CNTN4: variants seen among roughly 807,000 people sequenced by gnomAD.
CNTN4 encodes contactin-4.
CNTN4 carries 77 observed loss-of-function variants against 122.5 expected under a neutral mutation model. The ratio of observed to expected loss-of-function variants is 0.63; its 90% CI spans 0.52 to 0.76. The LOEUF (loss-of-function observed/expected upper bound fraction) is 0.76. Among genes scored for constraint, CNTN4 ranks in the 30% least tolerant of loss-of-function variants. The probability of loss-of-function intolerance (pLI) is 0.00; values close to 1 mark genes in which losing one functional copy is unlikely to be tolerated. For synonymous variants in CNTN4, 512 were observed against 447.0 expected (o/e 1.15, Z -1.83); for missense variants, 1,256 against 1,259.1 (o/e 1.00, Z 0.04).
intron 14 of CNTN4, among the ~76,000 whole-genome samples, chr3:3,021,080 G>T (rs13091272): frequency 0.11 from 16,760 of 152,158 alleles, 965 homozygotes; most frequent in African/African-American, 0.15. Flanking sequence ...ATCCATGTGA[G>T]CTGCCAATCC....
At chr3:2,211,692 G>A (rs1167587141) in intron 2 of CNTN4, among the ~76,000 whole-genome samples, 1 of 151,864 alleles carries the variant, frequency 6.6e-6, no homozygotes, top group African/African-American at 2.4e-5. Context: ...TTTCTTGGTT[G>A]TTAGTTTAAA....
chr3:2,400,122 T>C (rs2046784492), intron 3 of CNTN4, among the ~76,000 whole-genome samples: 1 of 151,950 alleles, frequency 6.6e-6, no homozygotes, highest in South Asian at 2.1e-4. Context: ...ATTTTGACAT[T>C]CTTCTGCCTT....
intron 4 of CNTN4, among the ~76,000 whole-genome samples, chr3:2,609,832 A>C (rs1229670486): frequency 1.3e-5 from 2 of 152,160 alleles, no homozygotes; most frequent in Admixed American, 6.6e-5. Flanking sequence ...CTATCAATAA[A>C]GAGGTATTTT....
Position 2,428,477 on chromosome 3 carries a change from C to G in CNTN4, c.-89+89244C>G, listed in dbSNP as rs751478023. On this transcript the variant is annotated intron_variant, in intron 3 of 24. Coordinates refer to ENST00000418658, the MANE Select transcript of CNTN4 (RefSeq NM_175607.3). ...TGATGGGCTTCTCTTAGCGGGTAAC[C>G]CAACCTTTCTCTCTGGCTGCCCTTA... Among the ~76,000 whole-genome samples the G allele has an allele frequency of 4.7e-4, 71 of 152,116 alleles. 1 individual carries two copies. The highest frequency in any genetic ancestry group is 8.8e-4 in the Non-Finnish European group (60 of 68,010).
At chr3:2,912,696 A>G (rs993292802) in intron 12 of CNTN4, among the ~76,000 whole-genome samples, 1 of 152,236 alleles carries the variant, frequency 6.6e-6, no homozygotes, top group South Asian at 2.1e-4. Context: ...GGATGTAAAT[A>G]GTTTTTATAC....
chr3:2,946,556 G>A (rs886894529), intron 13 of CNTN4, among the ~76,000 whole-genome samples: 1 of 151,986 alleles, frequency 6.6e-6, no homozygotes, highest in African/African-American at 2.4e-5. Flanking sequence ...AGCTTTCTTT[G>A]GCAAGCACAG....
Position 2,611,312 on chromosome 3 carries a change from AG to A in CNTN4, c.55+39755del, listed in dbSNP as rs1460553067. Among the ~76,000 whole-genome samples the A allele has an allele frequency of 2.4e-3, 315 of 133,404 alleles. 12 individuals are homozygous for A. Among genetic ancestry groups the A allele is most frequent in the Non-Finnish European group, 3.8e-3 (237 of 63,108 alleles). 87.5% of individuals were successfully genotyped at this position (133,404 alleles called of 152,430 possible). A position where few individuals can be genotyped will look rare whatever the true frequency, so the allele number is the denominator to read the frequency against. ...CACCTGGAACCAAAAAAAAAAAAAA[AG>A]AAAGAAAGAAAGAAACAAAAACAAA... On this transcript the variant is annotated intron_variant, in intron 4 of 24. Coordinates refer to ENST00000418658, the MANE Select transcript of CNTN4 (RefSeq NM_175607.3).
At chr3:2,959,791 C>G (rs2094835184) in intron 13 of CNTN4, among the ~76,000 whole-genome samples, 1 of 152,060 alleles carries the variant, frequency 6.6e-6, no homozygotes, top group Admixed American at 6.6e-5. Flanking sequence ...AAGTTTTTGT[C>G]TCCCTAGGTA....
At chr3:2,264,778 T>C (rs964865078) in intron 2 of CNTN4, among the ~76,000 whole-genome samples, 10 of 152,110 alleles carry the variant, frequency 6.6e-5, no homozygotes, top group African/African-American at 2.2e-4. Context: ...GTTTAATCCA[T>C]TTTGAGTTAA....
At chr3:2,350,842 G>A (rs1034241517) in intron 3 of CNTN4, among the ~76,000 whole-genome samples, 34 of 152,178 alleles carry the variant, frequency 2.2e-4, no homozygotes, top group Admixed American at 5.9e-4. Context: ...AATGGTACCA[G>A]ATTATGCATG....
intron 6 of CNTN4, among the ~76,000 whole-genome samples, chr3:2,781,711 G>A (rs139802540): frequency 2.4e-3 from 347 of 142,908 alleles, no homozygotes; most frequent in African/African-American, 9.0e-3. Context: ...CCAGGCTTTG[G>A]GTAAATTTTT....
chr3:2,781,735 T>A lies in CNTN4; in HGVS notation c.358+36038T>A, dbSNP rs994077937. On this transcript the variant is annotated intron_variant, in intron 6 of 24. Coordinates refer to ENST00000418658, the MANE Select transcript of CNTN4 (RefSeq NM_175607.3). ...GGGTAAATTTTTTTTTTTTTTTTTTTTTTTTTTGAGACGGAGTGTCGCTCT... is the reference window on the plus strand; with the variant it reads ...GGGTAAATTTTTTTTTTTTTTTTTTATTTTTTTGAGACGGAGTGTCGCTCT... Among the ~76,000 whole-genome samples the A allele has an allele frequency of 1.5e-3, 205 of 140,310 alleles. 2 individuals carry two copies. The highest frequency in any genetic ancestry group is 2.3e-3 in the Non-Finnish European group (149 of 65,664). The allele number at this position is 140,310 out of a possible 152,430, so 92.0% of individuals were successfully genotyped here.
intron 3 of CNTN4, among the ~76,000 whole-genome samples, chr3:2,484,631 C>T (rs2076093778): frequency 6.6e-6 from 1 of 152,214 alleles, no homozygotes. Flanking sequence ...ACCCAGAAGG[C>T]TGTGTCAACG....
chr3:2,302,462 G>C (rs1002130139), intron 2 of CNTN4, among the ~76,000 whole-genome samples: 8 of 152,266 alleles, frequency 5.3e-5, no homozygotes, highest in African/African-American at 1.9e-4. Context: ...AGAATTGTTT[G>C]GCTCTACGTT....
At chr3:2,438,298 T>A (rs143402726) in intron 3 of CNTN4, among the ~76,000 whole-genome samples, 3 of 152,310 alleles carry the variant, frequency 2.0e-5, no homozygotes, top group African/African-American at 7.2e-5. Flanking sequence ...GGCAGGCGGA[T>A]CACCTGAGGT....
At chr3:2,948,868 G>A (rs577397839) in intron 13 of CNTN4, among the ~76,000 whole-genome samples, 22 of 152,122 alleles carry the variant, frequency 1.4e-4, no homozygotes, top group South Asian at 8.3e-4. Flanking sequence ...TTTTGATAAG[G>A]GGTTATGTAT....
At chr3:2,220,699 A>C (rs372227564) in intron 2 of CNTN4, among the ~76,000 whole-genome samples, 1 of 152,142 alleles carries the variant, frequency 6.6e-6, no homozygotes. Context: ...TGTGATAATT[A>C]CATAGATAAT....
chr3:2,224,300 C>T (rs972493911), intron 2 of CNTN4, among the ~76,000 whole-genome samples: 1 of 152,170 alleles, frequency 6.6e-6, no homozygotes, highest in South Asian at 2.1e-4. Context: ...TGACCAGCTT[C>T]TCCTTCCTCA....
At chr3:2,251,050 T>C (rs113887826) in intron 2 of CNTN4, among the ~76,000 whole-genome samples, 1 of 152,022 alleles carries the variant, frequency 6.6e-6, no homozygotes, top group African/African-American at 2.4e-5. Context: ...ATTTTAAAAA[T>C]ACCAAATAAG....
Sources: allele counts gnomAD v4.1 joint callset (sites outside exome capture counted in the v4.1 genomes callset), GRCh38; gene constraint gnomAD v4.1.1; transcripts MANE v1.5; gene names NCBI Gene and HGNC (gene_info 2026-07-23, HGNC 2026-07-21).